UNC5D: variants seen among roughly 807,000 people sequenced by gnomAD.
UNC5D encodes netrin receptor UNC5D.
UNC5D carries 39 observed loss-of-function variants against 105.4 expected under a neutral mutation model. The ratio of observed to expected loss-of-function variants is 0.37; its 90% confidence interval spans 0.29 to 0.48. The LOEUF (loss-of-function observed/expected upper bound fraction) is 0.48, where lower values mean the gene tolerates loss of function less well. Among genes scored for constraint, UNC5D ranks in the 20% least tolerant of loss-of-function variants. The probability of loss-of-function intolerance (pLI) is 0.98; values close to 1 mark genes in which losing one functional copy is unlikely to be tolerated. For synonymous variants in UNC5D, 452 were observed against 450.4 expected, an observed-to-expected ratio of 1.00 and a Z score of -0.04; for missense variants, 991 against 1,202.4, an observed-to-expected ratio of 0.82 and a Z score of 2.60.
chr8:35,611,272 ACCT>A (rs1441690117), intron 4 of UNC5D, among the ~76,000 whole-genome samples: 1 of 151,946 alleles, frequency 6.6e-6, no homozygotes, highest in East Asian at 1.9e-4. Flanking sequence ...CGTGAGCTCT[ACCT>A]CTCCCAAACA....
chr8:35,502,500 T>C (rs1296123707), intron 1 of UNC5D, among the ~76,000 whole-genome samples: 1 of 152,180 alleles, frequency 6.6e-6, no homozygotes, highest in Non-Finnish European at 1.5e-5. Context: ...CAAATGGATT[T>C]GAGTTCTTTC....
At chr8:35,262,117 T>A (rs144647913) in intron 1 of UNC5D, among the ~76,000 whole-genome samples, 35 of 152,308 alleles carry the variant, frequency 2.3e-4, no homozygotes, top group African/African-American at 8.2e-4. Flanking sequence ...ATTTTAACAG[T>A]CATATGGGGT....
chr8:35,780,798 T>G (rs1802469447), intron 16 of UNC5D, among the ~76,000 whole-genome samples: 1 of 152,208 alleles, frequency 6.6e-6, no homozygotes, highest in South Asian at 2.1e-4. Context: ...GGCTGCCATT[T>G]CCAAAAAATC....
intron 1 of UNC5D, among the ~76,000 whole-genome samples, chr8:35,274,127 A>T (rs1295298061): frequency 6.6e-6 from 1 of 152,144 alleles, no homozygotes. Flanking sequence ...TGTAAAGTTC[A>T]AAAGAGCTTG....
intron 4 of UNC5D, among the ~76,000 whole-genome samples, chr8:35,619,276 A>G (rs1314419897): frequency 1.3e-5 from 2 of 152,212 alleles, no homozygotes; most frequent in African/African-American, 2.4e-5. Flanking sequence ...CTTTTGAAGT[A>G]TGAATGAGCT....
intron 1 of UNC5D, among the ~76,000 whole-genome samples, chr8:35,504,046 G>A (rs1321692987): frequency 6.6e-6 from 1 of 152,194 alleles, no homozygotes; most frequent in African/African-American, 2.4e-5. Context: ...AGGCCTGGAA[G>A]GGTGGGTGAG....
intron 1 of UNC5D, among the ~76,000 whole-genome samples, chr8:35,387,568 G>C (rs974465668): frequency 9.2e-5 from 14 of 152,218 alleles, no homozygotes; most frequent in African/African-American, 3.4e-4. Context: ...GTAAATAAGA[G>C]ATAGCAGAGA....
chr8:35,658,644 C>CTTTT (rs34252660), intron 4 of UNC5D, among the ~76,000 whole-genome samples: 10 of 84,364 alleles, frequency 1.2e-4, no homozygotes, highest in African/African-American at 4.1e-4. Context: ...TCATGAGTGA[C>CTTTT]TTTTTTTTTT....
At chr8:35,462,390 T>C (rs1808965521) in intron 1 of UNC5D, among the ~76,000 whole-genome samples, 2 of 152,148 alleles carry the variant, frequency 1.3e-5, no homozygotes, top group Admixed American at 1.3e-4. Flanking sequence ...ATGGTAGATC[T>C]TAATTCTTCT....
At chr8:35,251,758 T>C (rs1474162305) in intron 1 of UNC5D, among the ~76,000 whole-genome samples, 1 of 152,104 alleles carries the variant, frequency 6.6e-6, no homozygotes, top group East Asian at 1.9e-4. Context: ...AGGTATTACA[T>C]CTCAGGATGT....
chr8:35,427,126 A>G (rs1806304990), intron 1 of UNC5D, among the ~76,000 whole-genome samples: 2 of 152,198 alleles, frequency 1.3e-5, no homozygotes, highest in South Asian at 4.1e-4. Flanking sequence ...GCTCAATATA[A>G]TATGTAGAAT....
chr8:35,529,984 T>A (rs1159639281), intron 1 of UNC5D, among the ~76,000 whole-genome samples: 3 of 151,088 alleles, frequency 2.0e-5, no homozygotes, highest in African/African-American at 4.8e-5. Context: ...AATCATGTCA[T>A]CTGCAAACAG....
At chr8:35,467,183 G>T (rs765327623) in intron 1 of UNC5D, among the ~76,000 whole-genome samples, 2 of 152,080 alleles carry the variant, frequency 1.3e-5, no homozygotes, top group Non-Finnish European at 2.9e-5. Context: ...TTCTTAAGAC[G>T]AATTCCTTAA....
chr8:35,618,864 G>A (rs1014806681), intron 4 of UNC5D, among the ~76,000 whole-genome samples: 1 of 152,084 alleles, frequency 6.6e-6, no homozygotes, highest in Admixed American at 6.5e-5. Context: ...ATTATGGCAG[G>A]GTTGTGTCTT....
At position 35,365,071 on chromosome 8, in the gene UNC5D, A is replaced by C. The variant is rs187644531; in HGVS notation, c.103+129184A>C. 1.7e-4 allele frequency among the ~76,000 whole-genome samples: 26 copies of C among 152,256 alleles called. No homozygotes were observed. In the East Asian group the frequency reaches 3.7e-3, roughly 22 times the overall value. ...GTATGTCATCTTCTCATCTTTAATT[A>C]TTATATAATGTGTGAAACATGATCA... On this transcript the variant is annotated intron_variant, in intron 1 of 16. Coordinates refer to ENST00000404895, the MANE Select transcript of UNC5D (RefSeq NM_080872.4).
intron 1 of UNC5D, among the ~76,000 whole-genome samples, chr8:35,318,052 T>C (rs1809438820): frequency 6.6e-6 from 1 of 152,046 alleles, no homozygotes; most frequent in South Asian, 2.1e-4. Flanking sequence ...AGATACTCTG[T>C]CTCTGAAAGG....
intron 3 of UNC5D, among the ~76,000 whole-genome samples, chr8:35,568,734 A>G (rs1817530980): frequency 6.6e-6 from 1 of 152,216 alleles, no homozygotes; most frequent in Non-Finnish European, 1.5e-5. Context: ...TCCAGAGTAC[A>G]TTCAGCAAAT....
At chr8:35,690,275 A>G (rs1826299194) in intron 7 of UNC5D, among the ~76,000 whole-genome samples, 1 of 152,144 alleles carries the variant, frequency 6.6e-6, no homozygotes, top group Non-Finnish European at 1.5e-5. Flanking sequence ...TGTGTTTGTA[A>G]AAGCCCAACT....
chr8:35,468,140 T>C lies in UNC5D; in HGVS notation c.104-81152T>C, dbSNP rs569020765. On this transcript the variant is annotated intron_variant, in intron 1 of 16. Coordinates refer to ENST00000404895, the MANE Select transcript of UNC5D (RefSeq NM_080872.4). ...CAAGATGGCATTCAGAATGTAATAG[T>C]TGAAACTAACTTAGCCCGGTAATGT... Among the ~76,000 whole-genome samples, 25 of 152,306 alleles carry C rather than the reference T, an allele frequency of 1.6e-4. No individual in the cohort carries two copies. In the South Asian group the frequency reaches 5.0e-3, roughly 30 times the overall value.
Sources: gnomAD v4.1 joint callset for allele counts (sites outside exome capture counted in the v4.1 genomes callset) on GRCh38, gnomAD v4.1.1 for gene constraint, MANE v1.5 for transcripts, NCBI Gene and HGNC (gene_info 2026-07-23, HGNC 2026-07-21) for gene names.